Variants in PDE4D observed in about 807,000 individuals in gnomAD.
The protein encoded by PDE4D is phosphodiesterase 4D, also known as 3',5'-cyclic-AMP phosphodiesterase 4D.
In PDE4D, 24 loss-of-function variants were observed where a neutral mutation model predicts 87.4. That is an observed-to-expected ratio of 0.27 (90% CI 0.20 to 0.39). PDE4D has a LOEUF of 0.39. Ranked by LOEUF, PDE4D falls within the 10% of genes least tolerant of loss-of-function variation. The probability of loss-of-function intolerance (pLI) is 1.00; values close to 1 mark genes in which losing one functional copy is unlikely to be tolerated. For missense variants in PDE4D, 714 were observed against 1,041.0 expected (o/e 0.69, Z 4.32); for synonymous variants, 384 against 383.2 (o/e 1.00, Z -0.02).
intron 2 of PDE4D, among the ~76,000 whole-genome samples, chr5:60,035,525 T>G (rs772119642): frequency 2.6e-5 from 4 of 152,138 alleles, no homozygotes; most frequent in Non-Finnish European, 5.9e-5. Flanking sequence ...CCCTTTTCCT[T>G]CCATCAAGTT....
At chr5:60,397,441 T>C (rs1283389667) in intron 1 of PDE4D, among the ~76,000 whole-genome samples, 5 of 152,206 alleles carry the variant, frequency 3.3e-5, no homozygotes, top group African/African-American at 9.6e-5. Flanking sequence ...ATATACACAA[T>C]GGAATCCTGT....
In PDE4D at chr5:59,797,424, T is replaced by G. The variant is rs192834794; in HGVS notation, c.455+95744A>C. ...TTAGATGCTTTGGGCAAATAAAAAT[T>G]TTCTGTAGAGTTATTTTGTTCTGCT... On this transcript the variant is annotated intron_variant, in intron 1 of 14. Transcript: ENST00000340635. 2.0e-3 allele frequency among the ~76,000 whole-genome samples: 307 copies of G among 152,300 alleles called. 3 individuals are homozygous for G. The highest frequency in any genetic ancestry group is 0.015 in the South Asian group (74 of 4,830).
chr5:59,404,441 T>C (rs574466478), intron 1 of PDE4D, among the ~76,000 whole-genome samples: 21 of 152,070 alleles, frequency 1.4e-4, no homozygotes, highest in Admixed American at 5.2e-4. Context: ...GGTATATCAC[T>C]TGAGGTCAGG....
intron 2 of PDE4D, 53 bp downstream of exon 2, chr5:59,215,724 T>C (rs1340083469): frequency 4.8e-6 from 7 of 1,451,830 alleles, no homozygotes; most frequent in Non-Finnish European, 6.8e-6. Flanking sequence ...TGTCATCAGC[T>C]CTAGATATAA....
chr5:59,788,384 A>G (rs529402210), intron 1 of PDE4D, among the ~76,000 whole-genome samples: 4 of 152,362 alleles, frequency 2.6e-5, no homozygotes, highest in Admixed American at 1.3e-4. Context: ...GGAAGGAGGC[A>G]TTCTAAATGG....
chr5:59,890,252 C>T (rs1277157072), intron 1 of PDE4D, among the ~76,000 whole-genome samples: 3 of 114,336 alleles, frequency 2.6e-5, no homozygotes, highest in Non-Finnish European at 5.6e-5. Context: ...GTGGTGCGCA[C>T]GTACACACAC....
intron 5 of PDE4D, among the ~76,000 whole-genome samples, chr5:59,140,008 G>T (rs1248339864): frequency 6.6e-6 from 1 of 152,178 alleles, no homozygotes; most frequent in Admixed American, 6.5e-5. Context: ...GATGTAAATT[G>T]CAGAACTAAA....
chr5:59,426,431 C>CT (rs948383429), intron 1 of PDE4D, among the ~76,000 whole-genome samples: 3 of 152,034 alleles, frequency 2.0e-5, no homozygotes, highest in Non-Finnish European at 2.9e-5. Flanking sequence ...TCGTACCCTG[C>CT]TTTTTTTCTG....
intron 5 of PDE4D, among the ~76,000 whole-genome samples, chr5:59,063,931 A>G (rs1763507056): frequency 6.6e-6 from 1 of 152,160 alleles, no homozygotes. Flanking sequence ...ATTGTACAGA[A>G]ATATACAGAG....
chr5:60,008,662 C>A (rs980541556), intron 2 of PDE4D, among the ~76,000 whole-genome samples: 1 of 151,930 alleles, frequency 6.6e-6, no homozygotes, highest in Admixed American at 6.6e-5. Flanking sequence ...ATTCTAAACC[C>A]AGTTCTATTC....
intron 5 of PDE4D, among the ~76,000 whole-genome samples, chr5:59,146,644 C>T (rs776097689): frequency 6.6e-6 from 1 of 151,500 alleles, no homozygotes; most frequent in Admixed American, 6.6e-5. Flanking sequence ...TCAAATTGTA[C>T]TTGGAAGTTC....
At chr5:60,472,935 T>A (rs1306460062) in intron 1 of PDE4D, among the ~76,000 whole-genome samples, 1 of 152,104 alleles carries the variant, frequency 6.6e-6, no homozygotes, top group Non-Finnish European at 1.5e-5. Context: ...GGCTAAGCTA[T>A]GACATTTGAT....
At chr5:60,480,114 CTCAGTATCACCTCAA>C (rs1200304799) in intron 1 of PDE4D, among the ~76,000 whole-genome samples, 1 of 152,130 alleles carries the variant, frequency 6.6e-6, no homozygotes, top group African/African-American at 2.4e-5. Flanking sequence ...TCTTAATTAT[CTCAGTATCACCTCAA>C]TCAGTATCAC....
At chr5:60,416,289 A>ATT (rs1207505048) in intron 1 of PDE4D, among the ~76,000 whole-genome samples, 10 of 152,230 alleles carry the variant, frequency 6.6e-5, no homozygotes, top group Non-Finnish European at 1.3e-4. Context: ...TAAGAGAATA[A>ATT]AAGCAGGCTG....
intron 1 of PDE4D, among the ~76,000 whole-genome samples, chr5:59,366,346 C>A (rs1783053961): frequency 6.6e-6 from 1 of 152,112 alleles, no homozygotes; most frequent in Admixed American, 6.5e-5. Context: ...CAAAATAAAT[C>A]TGAATTTCTA....
At chr5:59,515,034 G>T (rs1810922433) in intron 1 of PDE4D, among the ~76,000 whole-genome samples, 1 of 152,156 alleles carries the variant, frequency 6.6e-6, no homozygotes, top group Admixed American at 6.5e-5. Context: ...TGGCATGAAA[G>T]GCTTTAAACA....
At chr5:59,024,200 CTTTTTT>C (rs566593585) in intron 6 of PDE4D, among the ~76,000 whole-genome samples, 1 of 114,858 alleles carries the variant, frequency 8.7e-6, no homozygotes, top group Non-Finnish European at 1.7e-5. Flanking sequence ...CTGAATTCTA[CTTTTTT>C]TTTTTTTTTT....
intron 1 of PDE4D, among the ~76,000 whole-genome samples, chr5:60,447,956 T>G (rs1745785008): frequency 6.6e-6 from 1 of 152,180 alleles, no homozygotes; most frequent in Non-Finnish European, 1.5e-5. Context: ...TATAGTATAG[T>G]CTAACTCAAT....
intron 1 of PDE4D, among the ~76,000 whole-genome samples, chr5:60,511,189 C>T (rs994208102): frequency 2.6e-5 from 4 of 151,996 alleles, no homozygotes; most frequent in African/African-American, 7.3e-5. Context: ...ACACTGGTCT[C>T]GAACTCCTGA....
Sources: gnomAD v4.1 joint callset for allele counts (sites outside exome capture counted in the v4.1 genomes callset) on GRCh38, gnomAD v4.1.1 for gene constraint, MANE v1.5 for transcripts, NCBI Gene and HGNC (gene_info 2026-07-23, HGNC 2026-07-21) for gene names.